PARVA: variants seen among roughly 807,000 people sequenced by gnomAD.
The protein encoded by PARVA is parvin alpha.
A neutral mutation model predicts 52.6 loss-of-function variants in PARVA; 25 were observed. That is an observed-to-expected ratio of 0.48 (90% CI 0.35 to 0.66). The LOEUF is 0.66. Ranked by LOEUF, PARVA falls within the 30% of genes least tolerant of loss-of-function variation. The pLI is 0.01. For synonymous variants in PARVA, 185 were observed against 179.1 expected (o/e 1.03, Z -0.26); for missense variants, 373 against 450.9 (o/e 0.83, Z 1.56).
intron 1 of PARVA, among the ~76,000 whole-genome samples, chr11:12,441,845 G>A (rs767651303): frequency 6.6e-6 from 1 of 152,210 alleles, no homozygotes; most frequent in Non-Finnish European, 1.5e-5. Context: ...CCACAACGCT[G>A]CAGGAAATTG....
chr11:12,517,817 T>C (rs567228269), intron 11 of PARVA, 106 bp downstream of exon 11: 10 of 751,640 alleles, frequency 1.3e-5, no homozygotes, highest in Admixed American at 6.5e-5. Flanking sequence ...GCTTCCCCTC[T>C]GCTCAACGTC....
chr11:12,487,038 C>G (rs899077497), intron 4 of PARVA, among the ~76,000 whole-genome samples: 6 of 152,106 alleles, frequency 3.9e-5, no homozygotes, highest in African/African-American at 1.4e-4. Context: ...GGAAGGAACT[C>G]CAGCAGAGCA....
At chr11:12,463,828 A>T (rs368482148) in intron 1 of PARVA, among the ~76,000 whole-genome samples, 1 of 152,290 alleles carries the variant, frequency 6.6e-6, no homozygotes, top group Non-Finnish European at 1.5e-5. Flanking sequence ...ACAGACATTT[A>T]TTTTATCTGT....
chr11:12,387,989 A>G (rs1020188448), intron 1 of PARVA, among the ~76,000 whole-genome samples: 1 of 152,108 alleles, frequency 6.6e-6, no homozygotes, highest in Admixed American at 6.6e-5. Context: ...AGTCTGTCTC[A>G]TTCTCCCTCC....
rs1381497922 is a variant in PARVA at position 12,377,583 on chromosome 11, G to T, written c.-65G>T. The T allele has an allele frequency of 2.7e-6, 4 of 1,499,232 alleles. No individual in the cohort carries two copies. In the African/African-American group the frequency reaches 5.9e-5, roughly 22 times the overall value. 92.9% of individuals were successfully genotyped at this position (1,499,232 alleles called of 1,614,324 possible). ...AAGCCGCAGCCTCAGTCCCGCCGCC[G>T]CCCGCTGCGTCCGCCCAGCGCCAGC... On this transcript the variant is annotated 5_prime_UTR_variant, in exon 1 of 13. Coordinates refer to ENST00000334956, the MANE Select transcript of PARVA (RefSeq NM_018222.5).
intron 1 of PARVA, among the ~76,000 whole-genome samples, chr11:12,455,651 AATC>A (rs1334281651): frequency 6.6e-6 from 1 of 152,180 alleles, no homozygotes; most frequent in Admixed American, 6.5e-5. Context: ...TTAGATCTAA[AATC>A]AGCCATTTCT....
At chr11:12,399,085 C>A (rs2134962850) in intron 1 of PARVA, among the ~76,000 whole-genome samples, 1 of 152,334 alleles carries the variant, frequency 6.6e-6, no homozygotes, top group South Asian at 2.1e-4. Flanking sequence ...AGCCAGGATT[C>A]AAACCAAGAT....
intron 6 of PARVA, among the ~76,000 whole-genome samples, chr11:12,507,999 G>GACGGACGA (rs1301777500): frequency 7.3e-5 from 11 of 151,190 alleles, no homozygotes; most frequent in Admixed American, 2.7e-4. Context: ...TGGACGGACG[G>GACGGACGA]ACGGACGAGT....
chr11:12,446,750 T>C (rs1409872542), intron 1 of PARVA, among the ~76,000 whole-genome samples: 1 of 152,246 alleles, frequency 6.6e-6, no homozygotes, highest in Non-Finnish European at 1.5e-5. Context: ...AAGGATCAGA[T>C]GAGTCTAAAT....
chr11:12,418,173 C>A (rs1940096295), intron 1 of PARVA, among the ~76,000 whole-genome samples: 1 of 152,202 alleles, frequency 6.6e-6, no homozygotes, highest in Non-Finnish European at 1.5e-5. Context: ...GGCCAAGGGG[C>A]CCAATGAGAG....
chr11:12,452,160 C>T (rs149877147), intron 1 of PARVA, among the ~76,000 whole-genome samples: 8 of 152,104 alleles, frequency 5.3e-5, no homozygotes, highest in East Asian at 2.0e-4. Flanking sequence ...TATATGCAAG[C>T]GGAAACAGGT....
intron 4 of PARVA, among the ~76,000 whole-genome samples, chr11:12,488,052 T>A (rs1294559924): frequency 6.6e-6 from 1 of 152,144 alleles, no homozygotes; most frequent in Non-Finnish European, 1.5e-5. Context: ...TCAAATAACA[T>A]TTGATACATA....
rs937133032 is a variant in PARVA, at chr11:12,482,976, G to A, written c.400+5027G>A. Among the ~76,000 whole-genome samples, 10 of 152,196 alleles carry A rather than the reference G, an allele frequency of 6.6e-5. No individual in the cohort carries two copies. The South Asian group carries it at 8.3e-4, about 13-fold the overall frequency. ...GTGGTGAAAGCCTGAACAGGTGAGC[G>A]TCCTTGAGATGCCATGTGACTTTGG... On this transcript the variant is annotated intron_variant, in intron 4 of 12. Coordinates refer to ENST00000334956, the MANE Select transcript of PARVA (RefSeq NM_018222.5).
At chr11:12,405,316 T>C (rs1396298064) in intron 1 of PARVA, among the ~76,000 whole-genome samples, 1 of 152,254 alleles carries the variant, frequency 6.6e-6, no homozygotes, top group East Asian at 1.9e-4. Context: ...TTGAAATTGC[T>C]TCACTGAATT....
intron 7 of PARVA, 133 bp downstream of exon 7, chr11:12,508,775 A>C: frequency 1.3e-6 from 1 of 748,590 alleles, no homozygotes; most frequent in Non-Finnish European, 2.3e-6. Flanking sequence ...CAATGATTAT[A>C]GTTTAGCCTT....
rs1941807007 is a variant in PARVA at position 12,534,064 on chromosome 11, G to GA, written c.*6139_*6140insA. Among the ~76,000 whole-genome samples the GA allele has an allele frequency of 6.6e-6, 1 of 152,002 alleles. No individual in the cohort carries two copies. Among genetic ancestry groups the GA allele is most frequent in the South Asian group, 2.1e-4 (1 of 4,818 alleles). The stretch of plus-strand genomic sequence containing the variant: ...GTGCCTGTAATCCCAGCTACTCAGG[G>GA]GGCTGAGGCAGAAGTATTGCTTGAA... On this transcript the variant is annotated 3_prime_UTR_variant, in exon 13 of 13. Transcript: ENST00000334956.
At chr11:12,500,547 T>C (rs1941351196) in intron 5 of PARVA, among the ~76,000 whole-genome samples, 1 of 152,216 alleles carries the variant, frequency 6.6e-6, no homozygotes, top group African/African-American at 2.4e-5. Context: ...CCCAGCACTT[T>C]GGAAGGCCAA....
rs150211281 is a variant in PARVA, at chr11:12,501,728, A to T, written c.542-2586A>T. Among the ~76,000 whole-genome samples the T allele has an allele frequency of 1.9e-3, 297 of 152,320 alleles. 1 individual carries two copies. Among genetic ancestry groups the T allele is most frequent in the African/African-American group, 6.8e-3 (283 of 41,574 alleles). ...AACATCTTTGTACACGTAGCGTAGT[A>T]TGTATGTGTGTGAGACTATAGACTA... On this transcript the variant is annotated intron_variant, in intron 5 of 12. Coordinates refer to ENST00000334956, the MANE Select transcript of PARVA (RefSeq NM_018222.5).
rs867331962 is a variant in PARVA at position 12,511,442 on chromosome 11, C to A, written c.717-72C>A. The stretch of plus-strand genomic sequence containing the variant: ...TGGGCTTCCAGCAGTGATGGAGTGT[C>A]CTTTCAGAGGACTGGCCTCTTATAA... On this transcript the variant is annotated intron_variant, in intron 7 of 12. Transcript: ENST00000334956. 5.2e-6 allele frequency: 8 copies of A among 1,524,896 alleles called. No individual in the cohort carries two copies. In the Admixed American group the frequency reaches 5.4e-5, roughly 10 times the overall value. The allele number at this position is 1,524,896 out of a possible 1,614,324, so 94.5% of individuals were successfully genotyped here. A position where few individuals can be genotyped will look rare whatever the true frequency, so the allele number is the denominator to read the frequency against.
Sources: gnomAD v4.1 joint callset for allele counts (sites outside exome capture counted in the v4.1 genomes callset) on GRCh38, gnomAD v4.1.1 for gene constraint, MANE v1.5 for transcripts, NCBI Gene and HGNC (gene_info 2026-07-23, HGNC 2026-07-21) for gene names.